Variants in PIK3C2B observed in about 807,000 individuals in gnomAD.
PIK3C2B encodes the protein phosphatidylinositol 4-phosphate 3-kinase C2 domain-containing subunit beta.
PIK3C2B carries 83 observed loss-of-function variants against 184.3 expected under a neutral mutation model. The ratio of observed to expected loss-of-function variants is 0.45; its 90% CI spans 0.38 to 0.54. PIK3C2B has a LOEUF of 0.54. PIK3C2B is among the 20% of genes least tolerant of loss of function. The pLI is 0.00. For synonymous variants in PIK3C2B, 779 were observed against 837.6 expected (o/e 0.93, Z 1.21); for missense variants, 1,736 against 2,113.5 (o/e 0.82, Z 3.50).
chr1:204,461,903 A>G (rs1312374750), intron 5 of PIK3C2B, among the ~76,000 whole-genome samples: 1 of 152,130 alleles, frequency 6.6e-6, no homozygotes, highest in Non-Finnish European at 1.5e-5. Flanking sequence ...CCTGCCAGGC[A>G]GGGGTAGAAA....
intron 32 of PIK3C2B, 112 bp downstream of exon 32, chr1:204,425,501 T>C (rs1331353025): frequency 1.1e-5 from 13 of 1,187,644 alleles, no homozygotes; most frequent in Admixed American, 1.8e-5. Context: ...AATCAGCAAG[T>C]ACAGCCATGT....
chr1:204,433,839 T>C lies in PIK3C2B; in HGVS notation c.3797A>G (p.Asn1266Ser). The C allele has an allele frequency of 1.9e-6, 3 of 1,613,916 alleles. No homozygotes were observed. Among genetic ancestry groups the C allele is most frequent in the South Asian group, 1.1e-5 (1 of 91,054 alleles). ...GAGGTGGGTGTGCTTGCGAATGAGGTTGTAGGCTTGGCAGCAAAGGTCAAC... is the reference window on the plus strand; with the variant it reads ...GAGGTGGGTGTGCTTGCGAATGAGGCTGTAGGCTTGGCAGCAAAGGTCAAC... Reference protein sequence around the residue: ...DFVDLCCQAYNLIRKHTHLFL... With the variant: ...DFVDLCCQAYSLIRKHTHLFL... The change falls in exon 25 of 33, where the codon AAC (asparagine) becomes AGC (serine). Residue 1266 changes from asparagine (N) to serine (S), a missense_variant. By Grantham distance (46) the Asn-to-Ser change is conservative. Coordinates refer to ENST00000684373, the MANE Select transcript of PIK3C2B (RefSeq NM_001377334.1). The surrounding 1 kb of genome is among the most constrained non-coding windows in gnomAD (Gnocchi z 5.0).
chr1:204,443,705 G>A (rs1463658445), intron 18 of PIK3C2B, 108 bp from the exon 19 acceptor site: 16 of 931,016 alleles, frequency 1.7e-5, no homozygotes, highest in East Asian at 7.3e-5. Context: ...AACCCACCCC[G>A]AACTTGGGAG....
Position 204,440,317 on chromosome 1 carries a change from C to A in PIK3C2B, c.3254G>T (p.Gly1085Val). 1 of 1,591,454 alleles carries A rather than the reference C, an allele frequency of 6.3e-7. No individual in the cohort carries two copies. The highest frequency in any genetic ancestry group is 8.6e-7 in the Non-Finnish European group (1 of 1,167,942). The change falls in exon 22 of 33, where the codon GGG becomes GTG. Residue 1085 changes from glycine (G) to valine (V), a missense_variant. This residue lies in a region of PIK3C2B where 289 missense variants were observed against 380.4 expected (regional missense o/e 0.76). Coordinates refer to ENST00000684373, the MANE Select transcript of PIK3C2B (RefSeq NM_001377334.1). ...TAGCATGTCCTGGCGAAGGTCGTCC[C>A]CACACTGGATGGAGGGAGAAAGTGA... The part of the protein sequence containing the change: ...GENIRVIFKC[G>V]DDLRQDMLTL...
chr1:204,479,884 TC>T (rs1387797356), intron 1 of PIK3C2B, among the ~76,000 whole-genome samples: 3 of 152,212 alleles, frequency 2.0e-5, no homozygotes, highest in East Asian at 3.8e-4. Flanking sequence ...TCCCAGCTGT[TC>T]CCATCCAGCC....
At chr1:204,444,033 G>T in intron 18 of PIK3C2B, 35 bp downstream of exon 18, 1 of 1,388,518 alleles carries the variant, frequency 7.2e-7, no homozygotes, top group Non-Finnish European at 1.0e-6. Context: ...TGAAAGACAC[G>T]TGTCTACCTC....
Position 204,459,696 on chromosome 1 carries a change from C to T in PIK3C2B, c.1566+182G>A, listed in dbSNP as rs117503682. Among the ~76,000 whole-genome samples, 122 of 152,258 alleles carry T rather than the reference C, an allele frequency of 8.0e-4. 1 individual carries two copies. In the East Asian group the frequency reaches 0.02, roughly 25 times the overall value. ...GCAGAATCCCTGACTACGCACTTGCCGTTGCCCAACATCTAGTAGTCTTAG... is the reference window on the plus strand; with the variant it reads ...GCAGAATCCCTGACTACGCACTTGCTGTTGCCCAACATCTAGTAGTCTTAG... On this transcript the variant is annotated intron_variant, in intron 8 of 32. Transcript: ENST00000684373.
rs17847777 is a variant in PIK3C2B, at chr1:204,457,121, G to A, written c.1714-51C>T. Reference sequence around the variant, plus strand: ...GAGCTTCAGGGCCATAGCCTTTTTCGTCACAGCTGGAAGAAGGGCTTTTCA... The same window carrying A: ...GAGCTTCAGGGCCATAGCCTTTTTCATCACAGCTGGAAGAAGGGCTTTTCA... On this transcript the variant is annotated intron_variant, in intron 9 of 32. Coordinates refer to ENST00000684373, the MANE Select transcript of PIK3C2B (RefSeq NM_001377334.1). The A allele has an allele frequency of 9.9e-4, 1,483 of 1,498,890 alleles. 6 individuals carry two copies. In the East Asian group the frequency reaches 0.02, roughly 20 times the overall value. 92.8% of individuals were successfully genotyped at this position (1,498,890 alleles called of 1,614,324 possible). A position where few individuals can be genotyped will look rare whatever the true frequency, so the allele number is the denominator to read the frequency against.
At position 204,468,857 on chromosome 1, in the gene PIK3C2B, A is replaced by G; in HGVS notation, c.933+13T>C. On this transcript the variant is annotated intron_variant, in intron 2 of 32. Transcript: ENST00000684373. ...GAGAAAGGAAGGCAGAAGAAACACA[A>G]GAAGGTCCTCACCGGGGCTGCAGAA... 1.3e-6 allele frequency: 2 copies of G among 1,559,456 alleles called. No individual in the cohort carries two copies. Among genetic ancestry groups the G allele is most frequent in the Non-Finnish European group, 1.7e-6 (2 of 1,152,690 alleles).
intron 1 of PIK3C2B, among the ~76,000 whole-genome samples, chr1:204,476,641 C>T (rs1468188258): frequency 1.3e-5 from 2 of 152,214 alleles, no homozygotes; most frequent in Non-Finnish European, 2.9e-5. Flanking sequence ...ATAGCCATGT[C>T]GGTCCCTTGA....
intron 9 of PIK3C2B, among the ~76,000 whole-genome samples, chr1:204,457,283 C>A (rs1558257929): frequency 1.3e-5 from 2 of 152,166 alleles, no homozygotes. Flanking sequence ...ATCGGGTCCA[C>A]CCTTCTGAGA....
At chr1:204,432,054 AGAGG>A (rs1675090514) in intron 27 of PIK3C2B, 142 bp downstream of exon 27, 6 of 763,932 alleles carry the variant, frequency 7.9e-6, no homozygotes, top group Admixed American at 2.3e-5. Flanking sequence ...TGAGCAAAGG[AGAGG>A]GAAGTGGTCC....
rs138145994 is a variant in PIK3C2B, at chr1:204,460,120, G to A, written c.1503-179C>T. On this transcript the variant is annotated intron_variant, in intron 7 of 32. Coordinates refer to ENST00000684373, the MANE Select transcript of PIK3C2B (RefSeq NM_001377334.1). Reference sequence around the variant, plus strand: ...GAGTCTTTCTATTCTGCCACTTCTCGCCTGGAGAGAATGATGGCAAAGTTC... The same window carrying A: ...GAGTCTTTCTATTCTGCCACTTCTCACCTGGAGAGAATGATGGCAAAGTTC... Among the ~76,000 whole-genome samples the A allele has an allele frequency of 4.9e-3, 751 of 152,302 alleles. 5 individuals are homozygous for A. The highest frequency in any genetic ancestry group is 0.017 in the African/African-American group (707 of 41,558).
chr1:204,479,250 C>T (rs1283147154), intron 1 of PIK3C2B, among the ~76,000 whole-genome samples: 1 of 152,184 alleles, frequency 6.6e-6, no homozygotes, highest in Non-Finnish European at 1.5e-5. Flanking sequence ...CTACTTCCTG[C>T]TTCCTCCTCC....
Position 204,469,285 on chromosome 1 carries a change from G to A in PIK3C2B, c.518C>T (p.Pro173Leu). The change falls in exon 2 of 33, where the codon CCC (proline) becomes CTC (leucine). Residue 173 changes from proline to leucine, a missense_variant. By Grantham distance (98) the Pro-to-Leu change is moderately conservative (BLOSUM62 -3). This residue lies in a region of PIK3C2B where 404 missense variants were observed against 418.0 expected (regional missense o/e 0.97). Coordinates refer to ENST00000684373, the MANE Select transcript of PIK3C2B (RefSeq NM_001377334.1). The stretch of plus-strand genomic sequence containing the variant: ...GGAGGATGAGGGGGACCCCTTTCTG[G>A]GAGGCAGGGGAGGGGTATCCCAGAT... ...ASIWDTPPLP[P>L]RKGSPSSSKI... The A allele has an allele frequency of 6.5e-7, 1 of 1,545,172 alleles. No individual in the cohort carries two copies. Among genetic ancestry groups the A allele is most frequent in the Non-Finnish European group, 8.7e-7 (1 of 1,146,254 alleles).
intron 7 of PIK3C2B, 110 bp downstream of exon 7, chr1:204,460,208 AACCCCT>A: frequency 7.1e-6 from 6 of 839,766 alleles, no homozygotes; most frequent in Non-Finnish European, 1.2e-5. Context: ...TGTGGGCCCC[AACCCCT>A]GACACCTGCA....
chr1:204,492,237 T>C (rs1428610883), intron 1 of PIK3C2B, among the ~76,000 whole-genome samples: 1 of 152,190 alleles, frequency 6.6e-6, no homozygotes, highest in Admixed American at 6.5e-5. Flanking sequence ...CAGCATTTCA[T>C]TATTAATCCT....
chr1:204,469,318 C>T lies in PIK3C2B; in HGVS notation c.485G>A (p.Arg162Gln), dbSNP rs1267559047. 1.2e-5 allele frequency: 19 copies of T among 1,532,096 alleles called. No homozygotes were observed. Among genetic ancestry groups the T allele is most frequent in the East Asian group, 2.3e-5 (1 of 44,214 alleles). The allele number at this position is 1,532,096 out of a possible 1,614,324, so 94.9% of individuals were successfully genotyped here. ...GGGAGGGGTATCCCAGATAGAAGCT[C>T]GGGGAGGCAGAGGAGGTGGGGATAG... ...KKLSPPPLPP[R>Q]ASIWDTPPLP... Residue 162 changes from arginine to glutamine, a missense_variant, in exon 2 of 33, where the codon CGA becomes CAA. Arg to Gln is a conservative substitution (Grantham distance 43). This residue lies in a region of PIK3C2B where 404 missense variants were observed against 418.0 expected (regional missense o/e 0.97). Coordinates refer to ENST00000684373, the MANE Select transcript of PIK3C2B (RefSeq NM_001377334.1).
chr1:204,468,746 G>T (rs1656025966), intron 2 of PIK3C2B, 124 bp downstream of exon 2: 2 of 825,520 alleles, frequency 2.4e-6, no homozygotes, highest in East Asian at 2.8e-5. Flanking sequence ...GGGTCCCAAA[G>T]AGGGTAGGAG....
Sources: allele counts gnomAD v4.1 joint callset (sites outside exome capture counted in the v4.1 genomes callset), GRCh38; gene constraint gnomAD v4.1.1; regional missense constraint gnomAD v4.1.1; non-coding constraint Gnocchi (gnomAD v3.1); transcripts MANE v1.5; gene names NCBI Gene and HGNC (gene_info 2026-07-23, HGNC 2026-07-21).